FAT3: variants seen among roughly 807,000 people sequenced by gnomAD.
FAT3 encodes the protein FAT atypical cadherin 3.
Under a neutral mutation model 310.2 loss-of-function variants are expected in FAT3, and 95 were observed. The ratio of observed to expected loss-of-function variants is 0.31; its 90% CI spans 0.26 to 0.36. The LOEUF is 0.36. Among genes scored for constraint, FAT3 ranks in the 10% least tolerant of loss-of-function variants. The pLI, the probability that FAT3 is intolerant of heterozygous loss-of-function variation, is 1.00. For synonymous variants in FAT3, 2,314 were observed against 2,192.9 expected, an observed-to-expected ratio of 1.06 and a Z score of -1.54; for missense variants, 5,408 against 5,715.6, an observed-to-expected ratio of 0.95 and a Z score of 1.74.
chr11:92,424,487 A>G lies in FAT3; in HGVS notation c.3292+69083A>G, dbSNP rs145217011. Among the ~76,000 whole-genome samples the G allele has an allele frequency of 7.2e-5, 11 of 152,246 alleles. No homozygotes were observed. The East Asian group carries it at 1.5e-3, about 21-fold the overall frequency. On this transcript the variant is annotated intron_variant, in intron 2 of 27. Transcript: ENST00000525166. ...TATTTCTCTTGCTCCAGAATAAACC[A>G]TGAAGGGTTTGTAAAATGGCCAGAG... is the stretch of plus-strand genomic sequence containing the variant.
intron 1 of FAT3, among the ~76,000 whole-genome samples, chr11:92,331,495 T>C (rs1342172694): frequency 6.6e-6 from 1 of 152,030 alleles, no homozygotes; most frequent in African/African-American, 2.4e-5. Context: ...TGGAGTGTTA[T>C]TTTAGCAGTA....
intron 3 of FAT3, among the ~76,000 whole-genome samples, chr11:92,543,972 A>G (rs569940969): frequency 6.6e-6 from 1 of 152,168 alleles, no homozygotes; most frequent in South Asian, 2.1e-4. Context: ...ACTACTGAAC[A>G]ATAGTTTCTT....
Position 92,524,695 on chromosome 11 carries a change from G to C in FAT3, c.3354G>C (p.Val1118=). The C allele has an allele frequency of 6.2e-7, 1 of 1,613,868 alleles. No homozygotes were observed. The highest frequency in any genetic ancestry group is 8.5e-7 in the Non-Finnish European group (1 of 1,179,838). The part of the protein sequence containing the change: ...RETMGSYWLT[V]YATDRGVVPL... ...CAATGGGGTCATACTGGCTAACAGT[G>C]TATGCCACAGACAGGGGCGTTGTTC... Residue 1118 remains valine, a synonymous_variant, in exon 3 of 28, where the codon GTG becomes GTC. Transcript: ENST00000525166.
At chr11:92,331,538 G>A (rs1947925075) in intron 1 of FAT3, among the ~76,000 whole-genome samples, 1 of 152,192 alleles carries the variant, frequency 6.6e-6, no homozygotes, top group South Asian at 2.1e-4. Context: ...TGTCATGGGT[G>A]TTTTGGAAGC....
intron 4 of FAT3, among the ~76,000 whole-genome samples, chr11:92,738,755 G>A (rs1014663470): frequency 5.9e-5 from 9 of 152,138 alleles, no homozygotes; most frequent in Non-Finnish European, 2.9e-5. Flanking sequence ...AACATGCTGA[G>A]TCTTGTATGG....
chr11:92,611,819 C>T (rs1023703173), intron 3 of FAT3, among the ~76,000 whole-genome samples: 2 of 152,178 alleles, frequency 1.3e-5, no homozygotes, highest in Non-Finnish European at 2.9e-5. Flanking sequence ...AAAGGCCAAA[C>T]ATCTATACAA....
intron 2 of FAT3, among the ~76,000 whole-genome samples, chr11:92,404,898 G>A (rs1199132168): frequency 1.3e-5 from 2 of 151,818 alleles, no homozygotes; most frequent in African/African-American, 2.4e-5. Context: ...AGATGCTCCC[G>A]GTTCTTGGGC....
rs2136352738 is a variant in FAT3 at position 92,867,164 on chromosome 11, A to T, written c.12082A>T (p.Ser4028Cys). ...CVLYPDACKR[S>C]PCQHGGSCTG... Reference sequence around the variant, plus strand: ...GCTCTATCCCGACGCCTGCAAGCGCAGCCCGTGCCAGCACGGGGGCAGCTG... The same window carrying T: ...GCTCTATCCCGACGCCTGCAAGCGCTGCCCGTGCCAGCACGGGGGCAGCTG... Residue 4028 changes from serine to cysteine, a missense_variant, in exon 22 of 28, where the codon AGC becomes TGC. Ser to Cys is a moderately radical substitution (Grantham distance 112). Transcript: ENST00000525166. 2 of 1,594,238 alleles carry T rather than the reference A, an allele frequency of 1.3e-6. No homozygotes were observed. Among genetic ancestry groups the T allele is most frequent in the Non-Finnish European group, 1.7e-6 (2 of 1,172,726 alleles).
rs948948027 is a variant in FAT3, at chr11:92,894,415, C to T, written c.*3302C>T. On this transcript the variant is annotated 3_prime_UTR_variant, in exon 28 of 28. Transcript: ENST00000525166. ...AAACACTGGCTACTCTTTGTCCTAC[C>T]CCCTCCACCATGATGAACCATGTGG... 1.3e-5 allele frequency: 2 copies of T among 152,092 alleles called. No individual in the cohort carries two copies. The highest frequency in any genetic ancestry group is 2.9e-5 in the Non-Finnish European group (2 of 68,028). The allele number at this position is 152,092 out of a possible 1,614,324, so 9.4% of individuals were successfully genotyped here. A position where few individuals can be genotyped will look rare whatever the true frequency, so the allele number is the denominator to read the frequency against.
chr11:92,690,761 C>T (rs1322691973), intron 3 of FAT3, among the ~76,000 whole-genome samples: 3 of 152,122 alleles, frequency 2.0e-5, no homozygotes, highest in Admixed American at 2.0e-4. Flanking sequence ...ATTAAGTGCA[C>T]AGCCTGATGT....
At chr11:92,246,439 A>G (rs991987213) in intron 1 of FAT3, among the ~76,000 whole-genome samples, 1 of 152,100 alleles carries the variant, frequency 6.6e-6, no homozygotes, top group South Asian at 2.1e-4. Context: ...AAAATTCTTC[A>G]AAGAAACAGG....
At chr11:92,755,215 T>TTTGTTTGTTTGTTTG (rs1945956803) in intron 4 of FAT3, among the ~76,000 whole-genome samples, 1 of 151,316 alleles carries the variant, frequency 6.6e-6, no homozygotes, top group African/African-American at 2.4e-5. Context: ...AGAGAGTAGT[T>TTTGTTTGTTTGTTTG]TTTGTTTGTT....
intron 4 of FAT3, among the ~76,000 whole-genome samples, chr11:92,702,852 T>C (rs1944143096): frequency 6.6e-6 from 1 of 152,146 alleles, no homozygotes; most frequent in South Asian, 2.1e-4. Context: ...GAGTGTTTTT[T>C]ATTTGCAAAT....
rs1046935048 is a variant in FAT3 at position 92,867,203 on chromosome 11, T to G, written c.12121T>G (p.Ser4041Ala). 4.3e-5 allele frequency: 68 copies of G among 1,570,788 alleles called. No homozygotes were observed. The highest frequency in any genetic ancestry group is 5.7e-5 in the Non-Finnish European group (66 of 1,162,828). Residue 4041 changes from serine to alanine, a missense_variant, in exon 22 of 28, where the codon TCG (serine) becomes GCG (alanine). By Grantham distance (99) the Ser-to-Ala change is moderately conservative. This residue lies in a region of FAT3 where 4,588 missense variants were observed against 4,809.8 expected (regional missense o/e 0.95). Transcript: ENST00000525166. ...CGGGGGCAGCTGCACTGGCCTGCCA[T>G]CGGGGGGTGAGTGTGGCTACGCAGT... ...QHGGSCTGLPSGGYQCTCLSQ... is the reference protein window; with the variant it reads ...QHGGSCTGLPAGGYQCTCLSQ...
intron 2 of FAT3, among the ~76,000 whole-genome samples, chr11:92,448,687 C>T (rs971898620): frequency 6.6e-6 from 1 of 152,190 alleles, no homozygotes; most frequent in African/African-American, 2.4e-5. Flanking sequence ...GACTCCCCCA[C>T]AGCCTTCATT....
chr11:92,683,778 C>G (rs923943538), intron 3 of FAT3, among the ~76,000 whole-genome samples: 13 of 152,146 alleles, frequency 8.5e-5, no homozygotes, highest in African/African-American at 3.1e-4. Context: ...AATACAGAAA[C>G]CTTCCAACAA....
At chr11:92,736,782 T>C in intron 4 of FAT3, among the ~76,000 whole-genome samples, 1 of 152,186 alleles carries the variant, frequency 6.6e-6, no homozygotes, top group Non-Finnish European at 1.5e-5. Context: ...AAAGTGAGAA[T>C]TTGATTCATT....
intron 21 of FAT3, among the ~76,000 whole-genome samples, chr11:92,866,037 C>G (rs540081347): frequency 2.0e-5 from 3 of 152,166 alleles, no homozygotes; most frequent in Non-Finnish European, 4.4e-5. Context: ...TTTACCTAAA[C>G]CATGAGCATC....
rs144643688 is a variant in FAT3, at chr11:92,710,531, A to G, written c.3669+13086A>G. Among the ~76,000 whole-genome samples, 461 of 152,356 alleles carry G rather than the reference A, an allele frequency of 3.0e-3. 3 individuals carry two copies. Among genetic ancestry groups the G allele is most frequent in the African/African-American group, 0.01 (430 of 41,580 alleles). On this transcript the variant is annotated intron_variant, in intron 4 of 27. Transcript: ENST00000525166. The stretch of plus-strand genomic sequence containing the variant: ...GCAGGGAGACATAACCGCAGCAGAC[A>G]GACTCTTGAGGTATGCAGGAATTAG...
Sources: gnomAD v4.1 joint callset for allele counts (sites outside exome capture counted in the v4.1 genomes callset) on GRCh38, gnomAD v4.1.1 for gene constraint, gnomAD v4.1.1 regional missense constraint, MANE v1.5 for transcripts, NCBI Gene and HGNC (gene_info 2026-07-23, HGNC 2026-07-21) for gene names.